The following COL4A1 variants were observed in gnomAD, a reference collection of about 807,000 sequenced individuals.
COL4A1 encodes collagen alpha-1(IV) chain.
A neutral mutation model predicts 216.6 loss-of-function variants in COL4A1; 40 were observed. The observed-to-expected ratio is 0.18, with a 90% CI of 0.14 to 0.24. The LOEUF is 0.24. Ranked by LOEUF, COL4A1 falls within the 10% of genes least tolerant of loss-of-function variation. The probability of loss-of-function intolerance (pLI) is 1.00; values close to 1 mark genes in which losing one functional copy is unlikely to be tolerated. For synonymous variants in COL4A1, 839 were observed against 810.7 expected, an observed-to-expected ratio of 1.03 and a Z score of -0.59; for missense variants, 1,628 against 2,196.8, an observed-to-expected ratio of 0.74 and a Z score of 5.18.
At chr13:110,163,984 CTTTTT>C (rs58236306) in intron 46 of COL4A1, among the ~76,000 whole-genome samples, 1,335 of 110,208 alleles carry the variant, frequency 0.012, 16 homozygotes, top group African/African-American at 0.042. Context: ...TTCTCTCTCT[CTTTTT>C]TTTTTTTTTT....
chr13:110,178,777 A>C, intron 31 of COL4A1, 146 bp downstream of exon 31: 1 of 672,758 alleles, frequency 1.5e-6, no homozygotes. Context: ...AATCAAACCT[A>C]TTTTCACAAA....
intron 46 of COL4A1, 102 bp downstream of exon 46, chr13:110,164,760 T>G (rs1877256636): frequency 1.3e-6 from 2 of 1,506,802 alleles, no homozygotes; most frequent in Non-Finnish European, 1.8e-6. Flanking sequence ...GTGTGTATAA[T>G]CATTACCCAG....
chr13:110,217,759 G>A (rs545136186), intron 2 of COL4A1, among the ~76,000 whole-genome samples: 1 of 152,140 alleles, frequency 6.6e-6, no homozygotes, highest in Non-Finnish European at 1.5e-5. Flanking sequence ...TGTGGAGGGA[G>A]AACAAAGTGC....
chr13:110,151,311 A>C (rs1876486800), intron 51 of COL4A1, among the ~76,000 whole-genome samples: 1 of 152,124 alleles, frequency 6.6e-6, no homozygotes, highest in South Asian at 2.1e-4. Flanking sequence ...CTGGTTAAAA[A>C]AAAAAAACCC....
intron 2 of COL4A1, among the ~76,000 whole-genome samples, chr13:110,236,013 T>C (rs2139237773): frequency 6.6e-6 from 1 of 152,334 alleles, no homozygotes; most frequent in South Asian, 2.1e-4. Flanking sequence ...ATCTAAGATT[T>C]AATTACAACT....
Position 110,306,965 on chromosome 13 carries a change from C to T in COL4A1, c.63G>A (p.Glu21=), listed in dbSNP as rs997597069. The change falls in exon 1 of 52, where the codon GAG becomes GAA. Residue 21 remains glutamate (E), a synonymous_variant. Coordinates refer to ENST00000375820, the MANE Select transcript of COL4A1 (RefSeq NM_001845.6). ...LLPAALLLHE[E]HSRAAAKGGC... is the part of the protein sequence containing the mutation. ...TCACCTTCGCAGCGGCCCGGCTGTG[C>T]TCCTCGTGGAGCAGAAGGGCGGCGG... 6.8e-7 allele frequency: 1 copy of T among 1,475,640 alleles called. No individual in the cohort carries two copies. The highest frequency in any genetic ancestry group is 2.9e-5 in the East Asian group (1 of 34,388). The allele number at this position is 1,475,640 out of a possible 1,614,324, so 91.4% of individuals were successfully genotyped here.
At chr13:110,296,827 C>A (rs1185015477) in intron 1 of COL4A1, among the ~76,000 whole-genome samples, 1 of 152,118 alleles carries the variant, frequency 6.6e-6, no homozygotes, top group Non-Finnish European at 1.5e-5. Flanking sequence ...GATTAACCTG[C>A]TAGGAAGGCT....
chr13:110,222,319 G>A (rs1365713728), intron 2 of COL4A1, among the ~76,000 whole-genome samples: 1 of 152,136 alleles, frequency 6.6e-6, no homozygotes, highest in Non-Finnish European at 1.5e-5. Flanking sequence ...GCAGACAGTG[G>A]ATCCAGCCCG....
chr13:110,209,995 TCCTGGAGGCCCAACAGGA>T lies in COL4A1; in HGVS notation c.582_599del (p.Pro195_Gly200del). The T allele has an allele frequency of 1.2e-6, 2 of 1,614,162 alleles. No homozygotes were observed. Among genetic ancestry groups the T allele is most frequent in the Non-Finnish European group, 1.7e-6 (2 of 1,180,036 alleles). Reference sequence around the variant, plus strand: ...CAAAACTTACTGGTGGTCCGGTAAATCCTGGAGGCCCAACAGGACCTTGAAGCCCTGGCAGTCCTGGTG... The same window carrying T: ...CAAAACTTACTGGTGGTCCGGTAAATCCTTGAAGCCCTGGCAGTCCTGGTG... On this transcript the variant is annotated inframe_deletion, in exon 10 of 52. Coordinates refer to ENST00000375820, the MANE Select transcript of COL4A1 (RefSeq NM_001845.6).
At chr13:110,272,458 C>T (rs1883278199) in intron 1 of COL4A1, among the ~76,000 whole-genome samples, 1 of 152,174 alleles carries the variant, frequency 6.6e-6, no homozygotes, top group African/African-American at 2.4e-5. Flanking sequence ...AGAGCAACCC[C>T]TAAACCCTTC....
chr13:110,150,833 G>A (rs1323920816), intron 51 of COL4A1, among the ~76,000 whole-genome samples: 1 of 152,156 alleles, frequency 6.6e-6, no homozygotes, highest in Non-Finnish European at 1.5e-5. Context: ...TCCAGGGTAA[G>A]AAGAAGATAT....
chr13:110,220,198 A>C (rs1880407986), intron 2 of COL4A1, among the ~76,000 whole-genome samples: 1 of 152,052 alleles, frequency 6.6e-6, no homozygotes, highest in Admixed American at 6.6e-5. Flanking sequence ...TTGTCCTCCT[A>C]AAGTGCTGGA....
intron 6 of COL4A1, 86 bp downstream of exon 6, chr13:110,212,331 A>G (rs952103896): frequency 2.0e-6 from 3 of 1,508,680 alleles, no homozygotes; most frequent in Non-Finnish European, 2.8e-6. Flanking sequence ...ATAAAACTCT[A>G]TTAACAGAAT....
chr13:110,262,046 A>G (rs1343024025), intron 1 of COL4A1, among the ~76,000 whole-genome samples: 1 of 152,242 alleles, frequency 6.6e-6, no homozygotes, highest in Non-Finnish European at 1.5e-5. Context: ...CCATGCTTCC[A>G]TCTGAGGGTT....
chr13:110,177,162 C>A, intron 33 of COL4A1, 125 bp from the exon 34 acceptor site: 1 of 1,500,212 alleles, frequency 6.7e-7, no homozygotes, highest in South Asian at 1.2e-5. Context: ...ATAACTTGTC[C>A]AAAATGGCAT....
At chr13:110,150,528 T>G in intron 51 of COL4A1, 84 bp from the exon 52 acceptor site, 1 of 1,365,060 alleles carries the variant, frequency 7.3e-7, no homozygotes, top group Non-Finnish European at 1.0e-6. Flanking sequence ...CTCGGAAATC[T>G]CTAAGGGATC....
intron 42 of COL4A1, among the ~76,000 whole-genome samples, chr13:110,170,117 G>GGAAGGAAGGAAGGAAGGAAGGAAGGAAA (rs1877557450): frequency 4.0e-5 from 1 of 24,810 alleles, no homozygotes; most frequent in African/African-American, 2.8e-4. Context: ...GAGGAAAGAA[G>GGAAGGAAGGAAGGAAGGAAGGAAGGAAA]GAAGGAAGGA....
intron 1 of COL4A1, among the ~76,000 whole-genome samples, chr13:110,276,577 A>G (rs1469714529): frequency 6.6e-6 from 1 of 152,180 alleles, no homozygotes. Context: ...ATTACAGGCA[A>G]TAATTAATTT....
intron 24 of COL4A1, among the ~76,000 whole-genome samples, chr13:110,189,484 G>C (rs951862609): frequency 6.6e-6 from 1 of 152,216 alleles, no homozygotes; most frequent in Non-Finnish European, 1.5e-5. Context: ...AGTGGTCTGA[G>C]CTGGCCCCGC....
Sources: allele counts gnomAD v4.1 joint callset (sites outside exome capture counted in the v4.1 genomes callset), GRCh38; gene constraint gnomAD v4.1.1; transcripts MANE v1.5; gene names NCBI Gene and HGNC (gene_info 2026-07-23, HGNC 2026-07-21).